RPP30: variants seen among roughly 807,000 people sequenced by gnomAD.
RPP30 encodes the protein ribonuclease P protein subunit p30.
Under a neutral mutation model 38.6 loss-of-function variants are expected in RPP30, and 36 were observed. The observed-to-expected ratio is 0.93, with a 90% CI of 0.71 to 1.23. The LOEUF (loss-of-function observed/expected upper bound fraction) is 1.23. Among genes scored for constraint, RPP30 ranks in the 50% most tolerant of loss-of-function variants. RPP30 has a pLI of 0.00. For missense variants in RPP30, 321 were observed against 321.7 expected (o/e 1.00, Z 0.02); for synonymous variants, 126 against 112.7 (o/e 1.12, Z -0.75).
At chr10:90,906,317 G>T (rs926743761), downstream of RPP30, among the ~76,000 whole-genome samples, 2 of 152,210 alleles carry the variant, frequency 1.3e-5, no homozygotes, top group Admixed American at 1.3e-4. Flanking sequence ...GTGGGAAGAA[G>T]AGTCTTCCAG....
intron 10 of RPP30, among the ~76,000 whole-genome samples, chr10:90,899,247 G>T (rs1373244251): frequency 6.6e-6 from 1 of 152,046 alleles, no homozygotes; most frequent in African/African-American, 2.4e-5. Context: ...TTTATTTTGA[G>T]GTTCTTATTA....
intron 1 of RPP30, among the ~76,000 whole-genome samples, chr10:90,874,187 A>G (rs1846820472): frequency 6.6e-6 from 1 of 152,156 alleles, no homozygotes; most frequent in Non-Finnish European, 1.5e-5. Context: ...AAAATTAAAG[A>G]TGGGAGTCAT....
intron 1 of RPP30, among the ~76,000 whole-genome samples, chr10:90,873,801 G>T (rs1248671913): frequency 6.6e-6 from 1 of 152,050 alleles, no homozygotes; most frequent in Admixed American, 6.5e-5. Flanking sequence ...CAAGGTACAG[G>T]CATACTTGTG....
At chr10:90,895,191 T>A in intron 7 of RPP30, 2 of 503,564 alleles carry the variant, frequency 4.0e-6, no homozygotes, top group Non-Finnish European at 7.0e-6. Flanking sequence ...AATTAAGATA[T>A]GTGACCTTTT....
At position 90,874,318 on chromosome 10, in the gene RPP30, G is replaced by A. The variant is rs867276444; in HGVS notation, c.83-551G>A. 6.6e-5 allele frequency among the ~76,000 whole-genome samples: 10 copies of A among 152,322 alleles called. No homozygotes were observed. In the South Asian group the frequency reaches 1.2e-3, roughly 19 times the overall value. Reference sequence around the variant, plus strand: ...GTCGATGGTGTGCAGCTTAAAATGGGAAGCGGGCAGTGGTGTGAGGGAGTT... The same window carrying A: ...GTCGATGGTGTGCAGCTTAAAATGGAAAGCGGGCAGTGGTGTGAGGGAGTT... On this transcript the variant is annotated intron_variant, in intron 1 of 10. Transcript: ENST00000371703.
chr10:90,877,846 G>A (rs1289672987), intron 4 of RPP30, among the ~76,000 whole-genome samples: 1 of 152,226 alleles, frequency 6.6e-6, no homozygotes, highest in East Asian at 1.9e-4. Flanking sequence ...GTTTGGGTAT[G>A]CCTACTATCA....
At chr10:90,879,171 A>G (rs770893004) in intron 5 of RPP30, 37 bp downstream of exon 5, 1 of 1,499,060 alleles carries the variant, frequency 6.7e-7, no homozygotes, top group African/African-American at 1.4e-5. Flanking sequence ...TAGTGTATAT[A>G]TGTTATATAA....
chr10:90,889,107 A>T lies in RPP30; in HGVS notation c.432+3206A>T, dbSNP rs1046140266. ...GTTCAGAGTAAATAATAGTTGTGGC[A>T]TAGGTATGTATGTATTATTTGTAAC... On this transcript the variant is annotated intron_variant, in intron 6 of 10. Coordinates refer to ENST00000371703, the MANE Select transcript of RPP30 (RefSeq NM_006413.5). Among the ~76,000 whole-genome samples, 18 of 152,298 alleles carry T rather than the reference A, an allele frequency of 1.2e-4. No homozygotes were observed. In the East Asian group the frequency reaches 3.5e-3, roughly 29 times the overall value.
chr10:90,881,108 A>T (rs542072365), intron 5 of RPP30, among the ~76,000 whole-genome samples: 59 of 152,340 alleles, frequency 3.9e-4, no homozygotes, highest in African/African-American at 1.2e-3. Context: ...TTCTGGATTA[A>T]TTTTGAAGAT....
At chr10:90,903,009 T>C (rs539255231), downstream of RPP30, among the ~76,000 whole-genome samples, 3 of 152,328 alleles carry the variant, frequency 2.0e-5, no homozygotes, top group African/African-American at 4.8e-5. Context: ...TGATGAGCTA[T>C]TGGGGGCAAA....
intron 4 of RPP30, among the ~76,000 whole-genome samples, chr10:90,878,815 A>T (rs182210969): frequency 7.9e-5 from 12 of 152,334 alleles, no homozygotes; most frequent in African/African-American, 2.9e-4. Context: ...TACATCTCAG[A>T]CACAATGTTT....
intron 4 of RPP30, among the ~76,000 whole-genome samples, chr10:90,878,854 G>C (rs896049264): frequency 4.6e-5 from 7 of 152,150 alleles, no homozygotes; most frequent in Admixed American, 1.3e-4. Context: ...AACAAATGTA[G>C]GAAGGAAGGA....
chr10:90,898,632 C>G (rs1238963661), intron 10 of RPP30, among the ~76,000 whole-genome samples: 1 of 152,126 alleles, frequency 6.6e-6, no homozygotes, highest in Non-Finnish European at 1.5e-5. Flanking sequence ...CTGGAAGCCT[C>G]ATGATGAGAG....
rs1847127933 is a variant in RPP30 at position 90,895,349 on chromosome 10, T to C, written c.550-105T>C. On this transcript the variant is annotated intron_variant, in intron 7 of 10. Coordinates refer to ENST00000371703, the MANE Select transcript of RPP30 (RefSeq NM_006413.5). Reference sequence around the variant, plus strand: ...TTACCTTATCTTTAAAAGAAGTTGGTATTTGAGCCTTAAATGTTAAAATAT... The same window carrying C: ...TTACCTTATCTTTAAAAGAAGTTGGCATTTGAGCCTTAAATGTTAAAATAT... The C allele has an allele frequency of 2.0e-5, 13 of 661,748 alleles. No individual in the cohort carries two copies. The South Asian group carries it at 2.0e-4, about 10-fold the overall frequency. 41.0% of individuals were successfully genotyped at this position (661,748 alleles called of 1,614,324 possible). A position where few individuals can be genotyped will look rare whatever the true frequency, so the allele number is the denominator to read the frequency against.
intron 5 of RPP30, among the ~76,000 whole-genome samples, chr10:90,879,481 T>C (rs1263497589): frequency 6.6e-6 from 1 of 152,212 alleles, no homozygotes; most frequent in Non-Finnish European, 1.5e-5. Flanking sequence ...CTTCTTACCA[T>C]TTGCTGCTCC....
In RPP30 at chr10:90,879,067, C is replaced by T. The variant is rs1383015717; in HGVS notation, c.275C>T (p.Ala92Val). ...ACATTCTTTTTGTATTCCTAGAGAG[C>T]AACTTCTTCAAGGGCCCGGCTCTAT... ...SDPSHCNVLRATSSRARLYDV... is the reference protein window; with the variant it reads ...SDPSHCNVLRVTSSRARLYDV... Residue 92 changes from alanine to valine, a missense_variant, in exon 5 of 11, where the codon GCA (alanine) becomes GTA (valine). Ala to Val is a moderately conservative substitution (Grantham distance 64, BLOSUM62 0). Coordinates refer to ENST00000371703, the MANE Select transcript of RPP30 (RefSeq NM_006413.5). The T allele has an allele frequency of 6.2e-7, 1 of 1,613,180 alleles. No homozygotes were observed. The highest frequency in any genetic ancestry group is 8.5e-7 in the Non-Finnish European group (1 of 1,179,704).
intron 7 of RPP30, 93 bp downstream of exon 7, chr10:90,894,984 G>C: frequency 1.1e-6 from 1 of 912,828 alleles, no homozygotes; most frequent in Non-Finnish European, 1.8e-6. Flanking sequence ...TTTCCTTAAA[G>C]CAGAATGTTC....
At position 90,878,306 on chromosome 10, in the gene RPP30, T is replaced by A. The variant is rs1846878028; in HGVS notation, c.271-757T>A. 2.6e-5 allele frequency among the ~76,000 whole-genome samples: 4 copies of A among 152,280 alleles called. No homozygotes were observed. The South Asian group carries it at 8.3e-4, about 32-fold the overall frequency. Reference sequence around the variant, plus strand: ...TCTCTTATACCCTCCTAACTTTTATTATACTTTTTCTTTTTACAAAATAAG... The same window carrying A: ...TCTCTTATACCCTCCTAACTTTTATAATACTTTTTCTTTTTACAAAATAAG... On this transcript the variant is annotated intron_variant, in intron 4 of 10. Transcript: ENST00000371703.
chr10:90,880,387 T>C lies in RPP30; in HGVS notation c.342+1253T>C, dbSNP rs190145251. On this transcript the variant is annotated intron_variant, in intron 5 of 10. Transcript: ENST00000371703. The stretch of plus-strand genomic sequence containing the variant: ...ATTAACAGAGAAACAGCACAAATTA[T>C]TTATGAGTGCCTACTCTTTTTGTTG... 2.1e-3 allele frequency among the ~76,000 whole-genome samples: 322 copies of C among 152,282 alleles called. 2 individuals are homozygous for C. Among genetic ancestry groups the C allele is most frequent in the African/African-American group, 7.4e-3 (307 of 41,566 alleles).
Sources: gnomAD v4.1 joint callset for allele counts (sites outside exome capture counted in the v4.1 genomes callset) on GRCh38, gnomAD v4.1.1 for gene constraint, MANE v1.5 for transcripts, NCBI Gene and HGNC (gene_info 2026-07-23, HGNC 2026-07-21) for gene names.